AXDND1: variants seen among roughly 807,000 people sequenced by gnomAD.
AXDND1 encodes the protein axonemal dynein light chain domain-containing protein 1.
AXDND1 carries 110 observed loss-of-function variants against 137.5 expected under a neutral mutation model. The observed-to-expected ratio is 0.80, with a 90% CI of 0.69 to 0.94. AXDND1 has a LOEUF of 0.94. Among genes scored for constraint, AXDND1 ranks in the 40% least tolerant of loss-of-function variants. AXDND1 has a pLI of 0.00. For missense variants in AXDND1, 1,191 were observed against 1,169.8 expected, an observed-to-expected ratio of 1.02 and a Z score of -0.26; for synonymous variants, 414 against 399.7, an observed-to-expected ratio of 1.04 and a Z score of -0.43.
intron 7 of AXDND1, 129 bp downstream of exon 7, chr1:179,382,885 TTCA>T (rs1648607056): frequency 1.3e-5 from 8 of 595,032 alleles, no homozygotes; most frequent in Non-Finnish European, 2.0e-5. Flanking sequence ...TGCCTACAAG[TTCA>T]TCATCTAATC....
chr1:179,369,353 C>G (rs1178538133), intron 3 of AXDND1, among the ~76,000 whole-genome samples: 2 of 152,186 alleles, frequency 1.3e-5, no homozygotes, highest in African/African-American at 2.4e-5. Context: ...GCTGGAATTT[C>G]AAGTGTGAGC....
In AXDND1 at chr1:179,534,775, T is replaced by C; in HGVS notation, c.2844T>C (p.Asp948=). 1 of 1,600,156 alleles carries C rather than the reference T, an allele frequency of 6.2e-7. No individual in the cohort carries two copies. The highest frequency in any genetic ancestry group is 8.5e-7 in the Non-Finnish European group (1 of 1,176,926). Residue 948 remains aspartate, a synonymous_variant, in exon 25 of 26, where the codon GAT becomes GAC. Transcript: ENST00000367618. ...RARQAEEKFE[D]AYEKLHHTLI... The stretch of plus-strand genomic sequence containing the variant: ...GACAGGCAGAGGAGAAGTTTGAAGA[T>C]GCATATGAGAAACTTCATCATACCC...
intron 12 of AXDND1, among the ~76,000 whole-genome samples, chr1:179,413,711 G>T (rs1654249152): frequency 6.6e-6 from 1 of 152,178 alleles, no homozygotes; most frequent in Admixed American, 6.5e-5. Context: ...ACATATGAGT[G>T]CAGGTGTCTT....
chr1:179,469,932 T>C (rs7512088), intron 17 of AXDND1, among the ~76,000 whole-genome samples: 35,089 of 152,098 alleles, frequency 0.23, 4,372 homozygotes, highest in East Asian at 0.35. Context: ...CCTATGTTTT[T>C]TTGTAAGAGT....
At chr1:179,464,993 T>C (rs1662923576) in intron 16 of AXDND1, among the ~76,000 whole-genome samples, 1 of 151,714 alleles carries the variant, frequency 6.6e-6, no homozygotes, top group Admixed American at 6.6e-5. Flanking sequence ...CTGTACACTG[T>C]TTATTTTAGT....
chr1:179,474,540 A>G (rs1199909709), intron 17 of AXDND1, among the ~76,000 whole-genome samples: 1 of 152,224 alleles, frequency 6.6e-6, no homozygotes, highest in African/African-American at 2.4e-5. Flanking sequence ...GAACTGGAAT[A>G]AAAGTCACCC....
chr1:179,447,507 A>T, intron 16 of AXDND1: 1 of 539,320 alleles, frequency 1.9e-6, no homozygotes, highest in Non-Finnish European at 3.2e-6. Flanking sequence ...TATAGATTCT[A>T]CAGTTGGCGC....
chr1:179,521,202 C>G (rs1468580707), intron 21 of AXDND1, among the ~76,000 whole-genome samples: 2 of 152,092 alleles, frequency 1.3e-5, no homozygotes, highest in African/African-American at 4.8e-5. Flanking sequence ...AAGTGATCCT[C>G]CTGCCTCAGC....
At chr1:179,523,188 A>G (rs1016268008) in intron 21 of AXDND1, among the ~76,000 whole-genome samples, 4 of 150,260 alleles carry the variant, frequency 2.7e-5, no homozygotes, top group African/African-American at 9.8e-5. Flanking sequence ...AGAGGTTTGA[A>G]AATCTATTAT....
In AXDND1 at chr1:179,388,116, A is replaced by G. The variant is rs183615395; in HGVS notation, c.863+2757A>G. On this transcript the variant is annotated intron_variant, in intron 9 of 25. Coordinates refer to ENST00000367618, the MANE Select transcript of AXDND1 (RefSeq NM_144696.6). The stretch of plus-strand genomic sequence containing the variant: ...TCTCCCAAGGCATTAGGCTGGCACA[A>G]TTGTAGGGTTTGCTTTATTTATTTC... 2.0e-5 allele frequency among the ~76,000 whole-genome samples: 3 copies of G among 152,244 alleles called. No individual in the cohort carries two copies. The East Asian group carries it at 5.8e-4, about 29-fold the overall frequency.
In AXDND1 at chr1:179,379,455, G is replaced by A. The variant is rs762777021; in HGVS notation, c.554G>A (p.Gly185Glu). The change falls in exon 6 of 26, where the codon GGA becomes GAA. Residue 185 changes from glycine (G) to glutamate (E), a missense_variant. By Grantham distance (98) the Gly-to-Glu change is moderately conservative. Coordinates refer to ENST00000367618, the MANE Select transcript of AXDND1 (RefSeq NM_144696.6). Reference sequence around the variant, plus strand: ...GAATTTCATATTGTGTCAAGTACAGGAGTTTCAGGTTTGGAGTGTTATGAT... The same window carrying A: ...GAATTTCATATTGTGTCAAGTACAGAAGTTTCAGGTTTGGAGTGTTATGAT... The part of the protein sequence containing the change: ...PEEFHIVSST[G>E]VSGLECYDDK... 1 of 1,613,538 alleles carries A rather than the reference G, an allele frequency of 6.2e-7. No individual in the cohort carries two copies. The highest frequency in any genetic ancestry group is 2.2e-5 in the East Asian group (1 of 44,850).
chr1:179,492,447 A>C (rs1667017109), intron 19 of AXDND1, among the ~76,000 whole-genome samples: 1 of 95,016 alleles, frequency 1.1e-5, no homozygotes, highest in Non-Finnish European at 2.4e-5. Context: ...AGAAAAAAAA[A>C]AACAACAACC....
At chr1:179,371,104 TA>T (rs59238300) in intron 4 of AXDND1, among the ~76,000 whole-genome samples, 37,278 of 152,050 alleles carry the variant, frequency 0.25, 4,646 homozygotes, top group African/African-American at 0.28. Context: ...TAATTAGCTA[TA>T]TCTGAATGTG....
chr1:179,518,305 C>A (rs1442481812), intron 21 of AXDND1, among the ~76,000 whole-genome samples: 1 of 151,520 alleles, frequency 6.6e-6, no homozygotes, highest in Admixed American at 6.6e-5. Context: ...ATTTTCTATT[C>A]TTTTCTATTG....
chr1:179,554,478 T>A (rs1188000634), intron 25 of AXDND1, 34 bp from the exon 26 acceptor site: 1 of 1,614,150 alleles, frequency 6.2e-7, no homozygotes, highest in Non-Finnish European at 8.5e-7. Flanking sequence ...CTACCCACAT[T>A]TCTATTCTCT....
intron 25 of AXDND1, among the ~76,000 whole-genome samples, chr1:179,549,277 A>G (rs1165116740): frequency 1.3e-5 from 2 of 152,168 alleles, no homozygotes; most frequent in Admixed American, 6.5e-5. Flanking sequence ...TTGACTATCC[A>G]CTATACTCTT....
intron 21 of AXDND1, among the ~76,000 whole-genome samples, chr1:179,518,309 T>C (rs1216384411): frequency 6.6e-6 from 1 of 152,174 alleles, no homozygotes; most frequent in Non-Finnish European, 1.5e-5. Flanking sequence ...TCTATTCTTT[T>C]CTATTGATCT....
At chr1:179,505,443 G>A (rs1177259161) in intron 20 of AXDND1, among the ~76,000 whole-genome samples, 3 of 151,988 alleles carry the variant, frequency 2.0e-5, no homozygotes, top group Admixed American at 1.3e-4. Flanking sequence ...ACCTGAGGTC[G>A]GGAGTTTGAG....
intron 16 of AXDND1, among the ~76,000 whole-genome samples, chr1:179,446,355 CTT>C (rs1659728498): frequency 6.6e-6 from 1 of 152,182 alleles, no homozygotes; most frequent in African/African-American, 2.4e-5. Context: ...CAGTGTAACT[CTT>C]TGAAAATGTC....
Sources: allele counts gnomAD v4.1 joint callset (sites outside exome capture counted in the v4.1 genomes callset), GRCh38; gene constraint gnomAD v4.1.1; transcripts MANE v1.5; gene names NCBI Gene and HGNC (gene_info 2026-07-23, HGNC 2026-07-21).